LRFN2: variants seen among roughly 807,000 people sequenced by gnomAD.
LRFN2 encodes leucine rich repeat and fibronectin type III domain containing 2.
In LRFN2, 18 loss-of-function variants were observed where a neutral mutation model predicts 37.3. That is an observed-to-expected ratio of 0.48 (90% CI 0.33 to 0.72). LRFN2 has a LOEUF of 0.72. Among genes scored for constraint, LRFN2 ranks in the 30% least tolerant of loss-of-function variants. LRFN2 has a pLI of 0.02. For synonymous variants in LRFN2, 556 were observed against 466.6 expected (o/e 1.19, Z -2.47); for missense variants, 1,006 against 1,060.7 (o/e 0.95, Z 0.72).
chr6:40,585,661 T>C (rs866737420), intron 1 of LRFN2, among the ~76,000 whole-genome samples: 6 of 151,856 alleles, frequency 4.0e-5, no homozygotes, highest in African/African-American at 1.5e-4. Flanking sequence ...ACATAGAACC[T>C]CTAGCCCTGG....
chr6:40,543,724 C>CTGGG (rs1309750590), intron 1 of LRFN2, among the ~76,000 whole-genome samples: 1 of 152,204 alleles, frequency 6.6e-6, no homozygotes, highest in African/African-American at 2.4e-5. Flanking sequence ...CTTCCCTTGC[C>CTGGG]TGGGCATCTT....
intron 2 of LRFN2, among the ~76,000 whole-genome samples, chr6:40,398,588 G>A (rs138897034): frequency 3.0e-4 from 46 of 151,878 alleles, no homozygotes; most frequent in African/African-American, 9.9e-4. Context: ...TGAAAAACAC[G>A]TCCCTGAAAT....
chr6:40,402,322 G>A (rs1762755923), intron 2 of LRFN2, among the ~76,000 whole-genome samples: 1 of 152,178 alleles, frequency 6.6e-6, no homozygotes. Flanking sequence ...CTGGAAAGTG[G>A]CTGAGCCAGG....
chr6:40,417,299 C>T (rs1337628827), intron 2 of LRFN2, among the ~76,000 whole-genome samples: 1 of 152,172 alleles, frequency 6.6e-6, no homozygotes, highest in Non-Finnish European at 1.5e-5. Context: ...TTCCAAGATC[C>T]TGTCTCCATG....
rs375159497 is a variant in LRFN2, at chr6:40,432,702, C to A, written c.412G>T (p.Gly138Cys). The A allele has an allele frequency of 6.2e-7, 1 of 1,614,028 alleles. No individual in the cohort carries two copies. The highest frequency in any genetic ancestry group is 8.5e-7 in the Non-Finnish European group (1 of 1,180,050). Residue 138 changes from glycine (G) to cysteine (C), a missense_variant, in exon 2 of 3, where the codon GGC becomes TGC. By Grantham distance (159) the Gly-to-Cys change is radical. Transcript: ENST00000338305. Reference sequence around the variant, plus strand: ...TCCTCAAAAGCCTCATCTGCGATGCCGCCCAGCTGGTTGTTGTTCACGATA... The same window carrying A: ...TCCTCAAAAGCCTCATCTGCGATGCAGCCCAGCTGGTTGTTGTTCACGATA... ...HLIVNNNQLG[G>C]IADEAFEDFL...
At chr6:40,526,050 G>C (rs1300516158) in intron 1 of LRFN2, among the ~76,000 whole-genome samples, 1 of 152,250 alleles carries the variant, frequency 6.6e-6, no homozygotes, top group African/African-American at 2.4e-5. Flanking sequence ...AATAGCAGTA[G>C]TGTTTTCTCG....
chr6:40,583,587 G>C (rs1232831231), intron 1 of LRFN2, among the ~76,000 whole-genome samples: 5 of 152,174 alleles, frequency 3.3e-5, no homozygotes, highest in African/African-American at 9.7e-5. Context: ...AGCTGTGAGT[G>C]CTAAAGGGCT....
intron 1 of LRFN2, among the ~76,000 whole-genome samples, chr6:40,495,373 G>A (rs556571939): frequency 6.6e-6 from 1 of 152,084 alleles, no homozygotes; most frequent in African/African-American, 2.4e-5. Flanking sequence ...CACCATGTTG[G>A]CTTCCTCTAT....
intron 1 of LRFN2, among the ~76,000 whole-genome samples, chr6:40,483,708 G>A (rs1436685475): frequency 2.2e-4 from 34 of 152,282 alleles, no homozygotes; most frequent in East Asian, 1.9e-4. Flanking sequence ...CCATGATGTG[G>A]GCATGAGAAG....
Position 40,392,782 on chromosome 6 carries a change from C to G in LRFN2, c.1531G>C (p.Ala511Pro). Residue 511 changes from alanine (A) to proline (P), a missense_variant, in exon 3 of 3, where the codon GCC becomes CCC. Physicochemically the swap from Ala to Pro is conservative, Grantham distance 27. Coordinates refer to ENST00000338305, the MANE Select transcript of LRFN2 (RefSeq NM_020737.3). The surrounding 1 kb of genome is among the most constrained non-coding windows in gnomAD (Gnocchi z 4.7). ...TAGTCAGCCTTGGTGAAGAACTGGG[C>G]GCAGCCCACGATGTTGGTGGCCGTG... ...TLTATNIVGCAQFFTKADYPQ... is the reference protein window; with the variant it reads ...TLTATNIVGCPQFFTKADYPQ... 6.2e-7 allele frequency: 1 copy of G among 1,614,082 alleles called. No individual in the cohort carries two copies. The highest frequency in any genetic ancestry group is 8.5e-7 in the Non-Finnish European group (1 of 1,179,994).
At chr6:40,442,825 C>T (rs1289331965) in intron 1 of LRFN2, among the ~76,000 whole-genome samples, 1 of 152,158 alleles carries the variant, frequency 6.6e-6, no homozygotes, top group East Asian at 1.9e-4. Flanking sequence ...TCCCTGAACA[C>T]CCCTCCTGGT....
At chr6:40,487,327 C>T (rs568799579) in intron 1 of LRFN2, among the ~76,000 whole-genome samples, 1 of 152,316 alleles carries the variant, frequency 6.6e-6, no homozygotes, top group African/African-American at 2.4e-5. Context: ...TTCATGCCCT[C>T]AGCCCTGGCT....
intron 1 of LRFN2, among the ~76,000 whole-genome samples, chr6:40,537,068 C>T (rs961064573): frequency 3.3e-5 from 5 of 152,210 alleles, no homozygotes; most frequent in African/African-American, 4.8e-5. Context: ...AGCTAGTACA[C>T]GGCAGAGCTG....
intron 1 of LRFN2, among the ~76,000 whole-genome samples, chr6:40,574,626 T>C (rs370051622): frequency 6.6e-6 from 1 of 152,222 alleles, no homozygotes; most frequent in African/African-American, 2.4e-5. Context: ...GCCTGTTCCA[T>C]AAATCTCAGG....
chr6:40,526,107 G>T (rs437095), intron 1 of LRFN2, among the ~76,000 whole-genome samples: 99,305 of 152,188 alleles, frequency 0.65, 33,596 homozygotes, highest in African/African-American at 0.84. Flanking sequence ...GGCTGACTGC[G>T]TAATTTGCAC....
intron 2 of LRFN2, among the ~76,000 whole-genome samples, chr6:40,402,736 G>A (rs1446984405): frequency 6.6e-6 from 1 of 152,150 alleles, no homozygotes; most frequent in Non-Finnish European, 1.5e-5. Flanking sequence ...GATAACCCCG[G>A]GAAGTACATC....
intron 1 of LRFN2, among the ~76,000 whole-genome samples, chr6:40,476,372 C>A (rs539903154): frequency 6.6e-6 from 1 of 152,172 alleles, no homozygotes; most frequent in East Asian, 1.9e-4. Flanking sequence ...TGTATGAAAC[C>A]GTCTTGAATT....
At chr6:40,415,156 T>A (rs1013253618) in intron 2 of LRFN2, among the ~76,000 whole-genome samples, 1 of 152,140 alleles carries the variant, frequency 6.6e-6, no homozygotes, top group African/African-American at 2.4e-5. Flanking sequence ...ATGCCAGTCT[T>A]TCCCCGCAAT....
intron 1 of LRFN2, among the ~76,000 whole-genome samples, chr6:40,531,867 A>G (rs985508666): frequency 6.6e-6 from 1 of 152,058 alleles, no homozygotes; most frequent in Non-Finnish European, 1.5e-5. Context: ...ATGCCCTGAC[A>G]CAACCCATCA....
Sources: gnomAD v4.1 joint callset for allele counts (sites outside exome capture counted in the v4.1 genomes callset) on GRCh38, gnomAD v4.1.1 for gene constraint, Gnocchi (gnomAD v3.1) non-coding constraint, MANE v1.5 for transcripts, NCBI Gene and HGNC (gene_info 2026-07-23, HGNC 2026-07-21) for gene names.